The following SKIL variants were observed in gnomAD, a reference collection of about 807,000 sequenced individuals.
SKIL encodes the protein SKI like proto-oncogene.
SKIL carries 20 observed loss-of-function variants against 69.6 expected under a neutral mutation model. That is an observed-to-expected ratio of 0.29 (90% CI 0.20 to 0.42). SKIL has a LOEUF of 0.42. SKIL is among the 10% of genes least tolerant of loss of function. SKIL has a pLI of 1.00. For missense variants in SKIL, 745 were observed against 783.1 expected (o/e 0.95, Z 0.58); for synonymous variants, 310 against 279.9 (o/e 1.11, Z -1.08).
chr3:170,380,011 G>T (rs1316532148), intron 2 of SKIL, among the ~76,000 whole-genome samples: 1 of 151,976 alleles, frequency 6.6e-6, no homozygotes, highest in Non-Finnish European at 1.5e-5. Context: ...ATTTAATGGG[G>T]GATATTTGTT....
At position 170,359,883 on chromosome 3, in the gene SKIL, A is replaced by G. The variant is rs78842524; in HGVS notation, c.-449A>G. The G allele has an allele frequency of 9.6e-3, 1,487 of 154,204 alleles. 31 individuals carry two copies. The highest frequency in any genetic ancestry group is 0.034 in the African/African-American group (1,408 of 41,552). 9.6% of individuals were successfully genotyped at this position (154,204 alleles called of 1,614,324 possible). On this transcript the variant is annotated 5_prime_UTR_variant, in exon 2 of 7. Transcript: ENST00000259119. ...CTTTTTGGTTTCCTTGGTGGTAAAG[A>G]TTAAATTTGGTTGCATCATTTTGAC...
intron 2 of SKIL, among the ~76,000 whole-genome samples, chr3:170,363,998 TGGAGTGCAGTGGCAC>T (rs1463046927): frequency 6.6e-6 from 1 of 152,172 alleles, no homozygotes; most frequent in Non-Finnish European, 1.5e-5. Flanking sequence ...TCGCCGAGGC[TGGAGTGCAGTGGCAC>T]GATCTCGGCT....
chr3:170,380,745 T>C (rs1281576323), intron 2 of SKIL, among the ~76,000 whole-genome samples: 1 of 152,206 alleles, frequency 6.6e-6, no homozygotes, highest in Non-Finnish European at 1.5e-5. Context: ...GAAACTGTTC[T>C]TGTGATGGGA....
At chr3:170,366,700 C>G (rs994847711) in intron 2 of SKIL, among the ~76,000 whole-genome samples, 1 of 149,714 alleles carries the variant, frequency 6.7e-6, no homozygotes, top group African/African-American at 2.5e-5. Flanking sequence ...CACACAGACA[C>G]ACACACACAC....
intron 2 of SKIL, among the ~76,000 whole-genome samples, chr3:170,362,166 A>G (rs969669097): frequency 6.6e-6 from 1 of 152,226 alleles, no homozygotes; most frequent in African/African-American, 2.4e-5. Flanking sequence ...AAAAAAAATG[A>G]CAGCTAGAGT....
intron 2 of SKIL, among the ~76,000 whole-genome samples, chr3:170,372,029 A>G (rs1372435615): frequency 6.6e-6 from 1 of 152,236 alleles, no homozygotes; most frequent in Non-Finnish European, 1.5e-5. Flanking sequence ...AAAGCCTTAG[A>G]ATTATACAGA....
intron 3 of SKIL, among the ~76,000 whole-genome samples, chr3:170,381,789 A>G (rs1249850331): frequency 6.6e-6 from 1 of 151,794 alleles, no homozygotes; most frequent in East Asian, 1.9e-4. Flanking sequence ...ATCTTTGAAA[A>G]TTCAAAATTA....
intron 3 of SKIL, among the ~76,000 whole-genome samples, chr3:170,383,232 C>T (rs561632038): frequency 1.3e-5 from 2 of 152,218 alleles, no homozygotes; most frequent in South Asian, 4.1e-4. Flanking sequence ...TACATTTGTA[C>T]AATCACTACT....
At chr3:170,358,022 A>G (rs1410694768) in intron 1 of SKIL, among the ~76,000 whole-genome samples, 1 of 151,916 alleles carries the variant, frequency 6.6e-6, no homozygotes, top group African/African-American at 2.4e-5. Context: ...CCGGCAGGGC[A>G]GGGCGCTGTA....
At chr3:170,364,646 C>T (rs1337460705) in intron 2 of SKIL, among the ~76,000 whole-genome samples, 1 of 151,894 alleles carries the variant, frequency 6.6e-6, no homozygotes. Flanking sequence ...ATTAGTCTGA[C>T]ATAAGTGTAT....
intron 6 of SKIL, among the ~76,000 whole-genome samples, chr3:170,391,975 C>G (rs1170521337): frequency 6.6e-6 from 1 of 152,078 alleles, no homozygotes; most frequent in Non-Finnish European, 1.5e-5. Flanking sequence ...GGAACATGAA[C>G]AAATAACTAA....
At chr3:170,376,491 T>G (rs1737040586) in intron 2 of SKIL, among the ~76,000 whole-genome samples, 1 of 152,216 alleles carries the variant, frequency 6.6e-6, no homozygotes, top group Admixed American at 6.5e-5. Context: ...TAAAAAACTG[T>G]TTTCATGAAT....
chr3:170,363,682 G>A (rs78558410), intron 2 of SKIL, among the ~76,000 whole-genome samples: 2,639 of 151,982 alleles, frequency 0.017, 54 homozygotes, highest in East Asian at 0.094. Context: ...GACTGGTTTC[G>A]CCATGTTAGC....
At chr3:170,363,208 G>A (rs1419405918) in intron 2 of SKIL, among the ~76,000 whole-genome samples, 1 of 152,112 alleles carries the variant, frequency 6.6e-6, no homozygotes, top group Non-Finnish European at 1.5e-5. Flanking sequence ...AATGAATAAA[G>A]CATATTAAAT....
At chr3:170,384,329 C>T (rs1243695940) in intron 3 of SKIL, among the ~76,000 whole-genome samples, 1 of 152,008 alleles carries the variant, frequency 6.6e-6, no homozygotes, top group Non-Finnish European at 1.5e-5. Context: ...AACAAAAAAT[C>T]CCTTATAATT....
rs1737971357 is a variant in SKIL, at chr3:170,392,439, T to C, written c.*22T>C. 2 of 1,498,820 alleles carry C rather than the reference T, an allele frequency of 1.3e-6. No individual in the cohort carries two copies. Among genetic ancestry groups the C allele is most frequent in the Non-Finnish European group, 1.8e-6 (2 of 1,110,670 alleles). The allele number at this position is 1,498,820 out of a possible 1,614,324, so 92.8% of individuals were successfully genotyped here. The stretch of plus-strand genomic sequence containing the variant: ...ATAGAAACTGTTAAAGAGATTCATC[T>C]GTGTATTACTGACAAGGTTTTTTTT... On this transcript the variant is annotated 3_prime_UTR_variant, in exon 7 of 7. Coordinates refer to ENST00000259119, the MANE Select transcript of SKIL (RefSeq NM_005414.5).
intron 2 of SKIL, among the ~76,000 whole-genome samples, chr3:170,367,688 C>T (rs1206669198): frequency 1.3e-5 from 2 of 150,858 alleles, no homozygotes; most frequent in Admixed American, 6.6e-5. Context: ...AGGCTGGTCT[C>T]GAACTCCTGA....
intron 3 of SKIL, among the ~76,000 whole-genome samples, chr3:170,382,383 A>G (rs1737395978): frequency 6.6e-6 from 1 of 150,704 alleles, no homozygotes; most frequent in Non-Finnish European, 1.5e-5. Context: ...GAGGTAAACA[A>G]ACTCTTCAAG....
At position 170,384,517 on chromosome 3, in the gene SKIL, T is replaced by A. The variant is rs1356426516; in HGVS notation, c.1197-16T>A. The A allele has an allele frequency of 8.0e-7, 1 of 1,248,804 alleles. No individual in the cohort carries two copies. The highest frequency in any genetic ancestry group is 1.5e-5 in the African/African-American group (1 of 66,720). The allele number at this position is 1,248,804 out of a possible 1,614,324, so 77.4% of individuals were successfully genotyped here. On this transcript the variant is annotated splice_polypyrimidine_tract_variant and intron_variant, in intron 3 of 6. Coordinates refer to ENST00000259119, the MANE Select transcript of SKIL (RefSeq NM_005414.5). ...ATATGTAATATATGTCTTGTTTTGC[T>A]TTTACTTGTTTTCAGCTACTACTTA...
Sources: gnomAD v4.1 joint callset for allele counts (sites outside exome capture counted in the v4.1 genomes callset) on GRCh38, gnomAD v4.1.1 for gene constraint, MANE v1.5 for transcripts, NCBI Gene and HGNC (gene_info 2026-07-23, HGNC 2026-07-21) for gene names.